The following HCK variants were observed in gnomAD, a reference collection of about 807,000 sequenced individuals.
The protein encoded by HCK is tyrosine-protein kinase HCK.
In HCK, 40 loss-of-function variants were observed where a neutral mutation model predicts 70.4. The ratio of observed to expected loss-of-function variants is 0.57; its 90% confidence interval spans 0.44 to 0.74. HCK has a LOEUF of 0.74. HCK is among the 30% of genes least tolerant of loss of function. HCK has a pLI of 0.00. For missense variants in HCK, 568 were observed against 697.2 expected (o/e 0.81, Z 2.09); for synonymous variants, 245 against 263.2 (o/e 0.93, Z 0.67).
intron 11 of HCK, among the ~76,000 whole-genome samples, chr20:32,095,663 A>G (rs954877136): frequency 2.0e-5 from 3 of 152,090 alleles, no homozygotes; most frequent in African/African-American, 7.2e-5. Context: ...TTTTGCAGGG[A>G]AATGTGATGA....
intron 1 of HCK, among the ~76,000 whole-genome samples, chr20:32,066,075 A>T (rs2045452281): frequency 6.6e-6 from 1 of 152,006 alleles, no homozygotes; most frequent in African/African-American, 2.4e-5. Flanking sequence ...ACCATATTGC[A>T]TTTCTAAACT....
At chr20:32,054,960 T>C (rs2045247435) in intron 1 of HCK, among the ~76,000 whole-genome samples, 1 of 152,186 alleles carries the variant, frequency 6.6e-6, no homozygotes, top group Non-Finnish European at 1.5e-5. Context: ...ATTCATTCCT[T>C]CCAGCTGCTG....
chr20:32,068,228 G>A (rs1404147744), intron 1 of HCK, among the ~76,000 whole-genome samples: 2 of 151,990 alleles, frequency 1.3e-5, no homozygotes, highest in Non-Finnish European at 2.9e-5. Flanking sequence ...AACCCTGGAG[G>A]CAGAGGTTGC....
At chr20:32,095,301 G>A (rs1420632337) in intron 11 of HCK, among the ~76,000 whole-genome samples, 14 of 152,018 alleles carry the variant, frequency 9.2e-5, no homozygotes. Context: ...TGTCACCCAG[G>A]CTAGAGTGCA....
chr20:32,072,391 C>T (rs2045554071), intron 2 of HCK: 1 of 152,072 alleles, frequency 6.6e-6, no homozygotes, highest in Non-Finnish European at 1.5e-5. Context: ...CACACAAATA[C>T]ATTCTTCTTG....
intron 2 of HCK, chr20:32,072,586 A>G (rs1229410517): frequency 1.3e-5 from 2 of 150,088 alleles, no homozygotes; most frequent in Non-Finnish European, 2.9e-5. Context: ...AAAAAAAAAA[A>G]AAAAGAGCTG....
At chr20:32,073,691 A>G in intron 3 of HCK, 25 bp from the exon 4 acceptor site, 1 of 1,508,204 alleles carries the variant, frequency 6.6e-7, no homozygotes, top group Non-Finnish European at 9.0e-7. Context: ...ACGAAACCTC[A>G]CCCTCTGTGT....
chr20:32,074,385 C>T (rs1407058282), intron 4 of HCK, among the ~76,000 whole-genome samples: 1 of 152,144 alleles, frequency 6.6e-6, no homozygotes, highest in Non-Finnish European at 1.5e-5. Flanking sequence ...AGCCAGAGAC[C>T]CAGGGCTCTG....
chr20:32,073,596 A>G (rs2122534621), intron 3 of HCK, 120 bp from the exon 4 acceptor site: 1 of 698,470 alleles, frequency 1.4e-6, no homozygotes, highest in East Asian at 2.7e-5. Flanking sequence ...TGAGACGCCT[A>G]CTTATACTTG....
intron 1 of HCK, among the ~76,000 whole-genome samples, chr20:32,058,982 G>A (rs1055967876): frequency 2.0e-5 from 3 of 152,136 alleles, no homozygotes; most frequent in African/African-American, 4.8e-5. Flanking sequence ...TAGCACTTTC[G>A]GCTTGCCAAG....
intron 1 of HCK, among the ~76,000 whole-genome samples, chr20:32,058,530 C>A (rs1336093501): frequency 4.4e-4 from 57 of 130,512 alleles, no homozygotes; most frequent in South Asian, 1.2e-3. Flanking sequence ...AAGACTCTGT[C>A]AAAAAAAAAA....
At chr20:32,097,012 G>A (rs1001563521) in intron 11 of HCK, among the ~76,000 whole-genome samples, 1 of 152,106 alleles carries the variant, frequency 6.6e-6, no homozygotes, top group African/African-American at 2.4e-5. Flanking sequence ...GGGCACAGTG[G>A]CTCATGACTA....
At chr20:32,098,722 C>T (rs570768279) in intron 11 of HCK, among the ~76,000 whole-genome samples, 14 of 152,272 alleles carry the variant, frequency 9.2e-5, no homozygotes, top group South Asian at 4.1e-4. Flanking sequence ...TTCCACTCTT[C>T]GGAGTTGCAG....
chr20:32,072,004 C>G lies in HCK; in HGVS notation c.183+222C>G, dbSNP rs534671021. On this transcript the variant is annotated intron_variant, in intron 2 of 12. Transcript: ENST00000375852. ...CTCTTTCCTGCAGCCCAGGCTTGGC[C>G]CCTCAGCCTGAGCTCCACCAAACAG... 1.6e-4 allele frequency: 89 copies of G among 568,820 alleles called. No homozygotes were observed. The South Asian group carries it at 2.1e-3, about 14-fold the overall frequency. 35.2% of individuals were successfully genotyped at this position (568,820 alleles called of 1,614,324 possible).
In HCK at chr20:32,071,774, A is replaced by G. The variant is rs372621598; in HGVS notation, c.175A>G (p.Ile59Val). 5.0e-6 allele frequency: 8 copies of G among 1,613,566 alleles called. No homozygotes were observed. The highest frequency in any genetic ancestry group is 6.8e-6 in the Non-Finnish European group (8 of 1,179,838). The change falls in exon 2 of 13, where the codon ATC becomes GTC. Residue 59 changes from isoleucine to valine, a missense_variant. Ile to Val is a conservative substitution (Grantham distance 29). Around this residue, in one of 4 missense-constraint regions of HCK, gnomAD observed 318 missense variants for 336.0 expected, o/e 0.95. Coordinates refer to ENST00000375852, the MANE Select transcript of HCK (RefSeq NM_002110.5). Reference sequence around the variant, plus strand: ...GTACGTGCCGGATCCCACATCCACCATCAAGCCGGTGAGTAGGGGAGGTCC... The same window carrying G: ...GTACGTGCCGGATCCCACATCCACCGTCAAGCCGGTGAGTAGGGGAGGTCC...
chr20:32,101,450 C>T lies in HCK; in HGVS notation c.1512C>T (p.Phe504=). The T allele has an allele frequency of 2.5e-6, 4 of 1,614,060 alleles. No individual in the cohort carries two copies. The highest frequency in any genetic ancestry group is 1.1e-5 in the South Asian group (1 of 91,046). The change falls in exon 13 of 13, where the codon TTC becomes TTT. Residue 504 remains phenylalanine, a synonymous_variant. Coordinates refer to ENST00000375852, the MANE Select transcript of HCK (RefSeq NM_002110.5). ...ACCGTCCGGAGGAGCGGCCGACCTT[C>T]GAATACATCCAGAGTGTGCTGGATG...
At chr20:32,079,727 G>A in intron 5 of HCK, 47 bp from the exon 6 acceptor site, 1 of 1,336,738 alleles carries the variant, frequency 7.5e-7, no homozygotes, top group Non-Finnish European at 1.1e-6. Flanking sequence ...GGCCGGACAG[G>A]ACTGCATGAC....
At chr20:32,069,861 C>A in intron 1 of HCK, 1 of 785,500 alleles carries the variant, frequency 1.3e-6, no homozygotes, top group South Asian at 1.6e-5. Context: ...TTTATTTTAA[C>A]AAGATAAGTA....
intron 10 of HCK, among the ~76,000 whole-genome samples, chr20:32,090,348 C>G (rs75263112): frequency 5.8e-4 from 89 of 152,344 alleles, no homozygotes; most frequent in African/African-American, 2.1e-3. Flanking sequence ...AGGAGCCCAC[C>G]TGGGGCTTTG....
Sources: allele counts gnomAD v4.1 joint callset (sites outside exome capture counted in the v4.1 genomes callset), GRCh38; gene constraint gnomAD v4.1.1; regional missense constraint gnomAD v4.1.1; transcripts MANE v1.5; gene names NCBI Gene and HGNC (gene_info 2026-07-23, HGNC 2026-07-21).